Variants in MIPEP observed in about 807,000 individuals in gnomAD.
The protein encoded by MIPEP is mitochondrial intermediate peptidase.
MIPEP carries 79 observed loss-of-function variants against 90.3 expected under a neutral mutation model. The observed-to-expected ratio is 0.87, with a 90% confidence interval of 0.73 to 1.05. MIPEP has a LOEUF of 1.05. MIPEP is among the 50% of genes least tolerant of loss of function. The pLI, the probability that MIPEP is intolerant of heterozygous loss-of-function variation, is 0.00. For missense variants in MIPEP, 940 were observed against 905.6 expected (o/e 1.04, Z -0.49); for synonymous variants, 334 against 315.8 (o/e 1.06, Z -0.61).
At chr13:23,760,710 T>C (rs1952533110) in intron 16 of MIPEP, 1 of 429,462 alleles carries the variant, frequency 2.3e-6, no homozygotes, top group Non-Finnish European at 4.7e-6. Flanking sequence ...GTCTCTGGCA[T>C]TTTGTGAAGG....
chr13:23,750,336 A>C (rs1565981046), intron 18 of MIPEP, among the ~76,000 whole-genome samples: 1 of 152,212 alleles, frequency 6.6e-6, no homozygotes, highest in Non-Finnish European at 1.5e-5. Context: ...CCAGGGGACC[A>C]TACTACATGT....
At chr13:23,767,534 C>T (rs1479189635) in intron 16 of MIPEP, among the ~76,000 whole-genome samples, 1 of 152,002 alleles carries the variant, frequency 6.6e-6, no homozygotes, top group African/African-American at 2.4e-5. Context: ...TCACTGTAAC[C>T]TCCACCTCCC....
At chr13:23,735,400 C>T (rs1952251617) in intron 18 of MIPEP, among the ~76,000 whole-genome samples, 2 of 152,218 alleles carry the variant, frequency 1.3e-5, no homozygotes, top group Admixed American at 1.3e-4. Flanking sequence ...TCTATAATTA[C>T]ATGACTGGTC....
intron 10 of MIPEP, among the ~76,000 whole-genome samples, chr13:23,856,675 G>A (rs1870060996): frequency 6.6e-6 from 1 of 152,138 alleles, no homozygotes; most frequent in Non-Finnish European, 1.5e-5. Flanking sequence ...CTTGCCATCT[G>A]TTGGTCTGGG....
At chr13:23,760,580 G>C (rs1000358888) in intron 16 of MIPEP, 2 of 540,194 alleles carry the variant, frequency 3.7e-6, no homozygotes, top group Non-Finnish European at 7.5e-6. Context: ...TGTGGGCACA[G>C]AGGAAAGGCT....
chr13:23,873,047 G>GT (rs1870900172), intron 5 of MIPEP, among the ~76,000 whole-genome samples: 1 of 152,172 alleles, frequency 6.6e-6, no homozygotes, highest in Non-Finnish European at 1.5e-5. Context: ...TCAACAAAAG[G>GT]TAAAGAAGAA....
intron 18 of MIPEP, 109 bp downstream of exon 18, chr13:23,756,436 C>T (rs1382558275): frequency 2.6e-6 from 3 of 1,141,056 alleles, no homozygotes; most frequent in Non-Finnish European, 1.3e-6. Flanking sequence ...GGATTACAGG[C>T]ATGAACCACC....
intron 10 of MIPEP, among the ~76,000 whole-genome samples, chr13:23,856,177 C>A (rs1035502899): frequency 3.9e-5 from 6 of 152,166 alleles, no homozygotes; most frequent in Non-Finnish European, 8.8e-5. Context: ...CACAGCGGAG[C>A]CAGGAGCTAC....
chr13:23,752,116 A>T (rs1360630715), intron 18 of MIPEP, among the ~76,000 whole-genome samples: 1 of 152,166 alleles, frequency 6.6e-6, no homozygotes, highest in East Asian at 1.9e-4. Context: ...AAATAGGGAC[A>T]ATATGACCTG....
intron 16 of MIPEP, among the ~76,000 whole-genome samples, chr13:23,794,076 G>A (rs999756359): frequency 1.3e-5 from 2 of 152,218 alleles, no homozygotes; most frequent in Non-Finnish European, 2.9e-5. Flanking sequence ...ACGCTCATTA[G>A]GGGAAGACTG....
intron 14 of MIPEP, among the ~76,000 whole-genome samples, chr13:23,823,861 T>C (rs550905894): frequency 9.9e-5 from 15 of 152,248 alleles, no homozygotes; most frequent in Middle Eastern, 3.4e-3. Context: ...GCTTGGACAA[T>C]AGATCATATT....
chr13:23,836,977 T>C (rs1869083023), intron 13 of MIPEP, among the ~76,000 whole-genome samples: 1 of 152,188 alleles, frequency 6.6e-6, no homozygotes, highest in South Asian at 2.1e-4. Flanking sequence ...TCACTAGTGG[T>C]CTAATGCTGA....
intron 16 of MIPEP, among the ~76,000 whole-genome samples, chr13:23,783,055 G>A (rs1452074994): frequency 1.3e-5 from 2 of 152,124 alleles, no homozygotes; most frequent in African/African-American, 4.8e-5. Flanking sequence ...CATTCCTTCT[G>A]AAACTATTCC....
intron 1 of MIPEP, among the ~76,000 whole-genome samples, chr13:23,887,005 T>C (rs533258338): frequency 4.6e-5 from 7 of 152,238 alleles, no homozygotes; most frequent in Non-Finnish European, 8.8e-5. Flanking sequence ...TGGATACAGG[T>C]AATAAGTATA....
At chr13:23,872,183 C>G (rs563961276) in intron 5 of MIPEP, among the ~76,000 whole-genome samples, 10 of 152,110 alleles carry the variant, frequency 6.6e-5, no homozygotes, top group African/African-American at 2.4e-4. Context: ...AAATTAAGGC[C>G]GGGTGCAGTG....
At chr13:23,888,935 G>A (rs576267684) in intron 1 of MIPEP, 197 bp downstream of exon 1, 2 of 532,504 alleles carry the variant, frequency 3.8e-6, no homozygotes, top group East Asian at 3.5e-5. Context: ...CTGGGTAGGA[G>A]ACCACTAAAC....
intron 9 of MIPEP, among the ~76,000 whole-genome samples, chr13:23,860,137 A>G (rs1009962738): frequency 1.3e-5 from 2 of 152,264 alleles, no homozygotes; most frequent in African/African-American, 4.8e-5. Context: ...CAACAATCAG[A>G]GGACAGTATG....
intron 14 of MIPEP, among the ~76,000 whole-genome samples, chr13:23,817,048 T>C (rs1363456905): frequency 6.6e-6 from 1 of 152,226 alleles, no homozygotes; most frequent in Non-Finnish European, 1.5e-5. Flanking sequence ...AGCTTCCCTA[T>C]GAGCTTGAGA....
chr13:23,756,298 GCGTCTGCCACCA>G, intron 18 of MIPEP, among the ~76,000 whole-genome samples: 1 of 152,178 alleles, frequency 6.6e-6, no homozygotes, highest in Non-Finnish European at 1.5e-5. Flanking sequence ...GGGATTACAG[GCGTCTGCCACCA>G]CGCCCAGCTA....
Sources: gnomAD v4.1 joint callset for allele counts (sites outside exome capture counted in the v4.1 genomes callset) on GRCh38, gnomAD v4.1.1 for gene constraint, MANE v1.5 for transcripts, NCBI Gene and HGNC (gene_info 2026-07-23, HGNC 2026-07-21) for gene names.